MREG: variants seen among roughly 807,000 people sequenced by gnomAD.
MREG encodes dilute suppressor protein homolog.
A neutral mutation model predicts 28.5 loss-of-function variants in MREG; 31 were observed. The ratio of observed to expected loss-of-function variants is 1.09; its 90% confidence interval spans 0.82 to 1.47. The LOEUF is 1.47. MREG is among the 40% of genes most tolerant of loss of function. The pLI, the probability that MREG is intolerant of heterozygous loss-of-function variation, is 0.00. For synonymous variants in MREG, 106 were observed against 95.2 expected (o/e 1.11, Z -0.66); for missense variants, 256 against 257.4 (o/e 0.99, Z 0.04).
At chr2:215,963,923 A>C (rs1361697766) in intron 2 of MREG, among the ~76,000 whole-genome samples, 1 of 152,218 alleles carries the variant, frequency 6.6e-6, no homozygotes, top group African/African-American at 2.4e-5. Flanking sequence ...GACTAAATAC[A>C]AATTTGAAAC....
chr2:215,999,246 G>C (rs1693949806), intron 1 of MREG, among the ~76,000 whole-genome samples: 1 of 152,240 alleles, frequency 6.6e-6, no homozygotes, highest in South Asian at 2.1e-4. Flanking sequence ...GCTTCATTCT[G>C]TGAACTGCAA....
chr2:216,024,980 GA>G (rs1205176633), intron 1 of MREG, among the ~76,000 whole-genome samples: 1 of 149,642 alleles, frequency 6.7e-6, no homozygotes, highest in East Asian at 1.9e-4. Context: ...AAGGAAAAAG[GA>G]AAAGGAAAAG....
intron 2 of MREG, among the ~76,000 whole-genome samples, chr2:215,984,982 A>G (rs977334626): frequency 6.6e-6 from 1 of 152,174 alleles, no homozygotes; most frequent in African/African-American, 2.4e-5. Context: ...CAATCCTGAT[A>G]CTCATTATAT....
intron 2 of MREG, among the ~76,000 whole-genome samples, chr2:215,984,405 T>C (rs377233049): frequency 6.7e-6 from 1 of 149,912 alleles, no homozygotes; most frequent in Non-Finnish European, 1.5e-5. Context: ...TGCAATCCAA[T>C]GCTTTGGGAG....
chr2:216,010,911 A>G (rs911197311), intron 1 of MREG, among the ~76,000 whole-genome samples: 4 of 151,172 alleles, frequency 2.6e-5, no homozygotes, highest in African/African-American at 9.7e-5. Context: ...CCTGGATAAC[A>G]CGGTGAAACC....
At chr2:215,991,925 GC>G (rs376882776) in intron 2 of MREG, among the ~76,000 whole-genome samples, 20 of 152,150 alleles carry the variant, frequency 1.3e-4, no homozygotes, top group African/African-American at 3.6e-4. Context: ...ACCAAAAAAA[GC>G]CCAGGACCAG....
intron 1 of MREG, among the ~76,000 whole-genome samples, chr2:215,996,941 C>T (rs560313359): frequency 2.0e-5 from 3 of 152,236 alleles, no homozygotes; most frequent in South Asian, 2.1e-4. Context: ...CCACCACGCC[C>T]GGATAATTCT....
At chr2:216,032,380 G>T (rs897846479) in intron 1 of MREG, among the ~76,000 whole-genome samples, 4 of 152,300 alleles carry the variant, frequency 2.6e-5, no homozygotes, top group Middle Eastern at 6.8e-3. Flanking sequence ...CCCACTCAAA[G>T]CATATGAACT....
chr2:215,989,781 G>A (rs1418358884), intron 2 of MREG, among the ~76,000 whole-genome samples: 1 of 151,742 alleles, frequency 6.6e-6, no homozygotes, highest in Non-Finnish European at 1.5e-5. Context: ...CGATCAAGCA[G>A]AAGAAAGGAT....
chr2:216,012,226 C>G (rs7603645), intron 1 of MREG, among the ~76,000 whole-genome samples: 97,846 of 151,890 alleles, frequency 0.64, 31,747 homozygotes, highest in East Asian at 0.69. Context: ...GGGTTGGAGC[C>G]AATGAGTGGA....
intron 2 of MREG, among the ~76,000 whole-genome samples, chr2:215,974,655 G>A (rs776343304): frequency 1.3e-5 from 2 of 152,140 alleles, no homozygotes; most frequent in Non-Finnish European, 2.9e-5. Flanking sequence ...TTTACAGGCA[G>A]GGGAGGGGAA....
chr2:215,985,196 TC>T (rs2106005006), intron 2 of MREG, among the ~76,000 whole-genome samples: 1 of 152,346 alleles, frequency 6.6e-6, no homozygotes, highest in South Asian at 2.1e-4. Flanking sequence ...GAGAATAAGT[TC>T]ACTCAGTATT....
intron 3 of MREG, 47 bp from the exon 4 acceptor site, chr2:215,945,781 C>A (rs749997915): frequency 6.5e-6 from 10 of 1,550,136 alleles, no homozygotes; most frequent in Non-Finnish European, 2.6e-6. Flanking sequence ...CCCAAGTTAA[C>A]AAGTGTTCCG....
At chr2:215,983,971 T>C (rs916661069) in intron 2 of MREG, among the ~76,000 whole-genome samples, 3 of 152,240 alleles carry the variant, frequency 2.0e-5, no homozygotes, top group Non-Finnish European at 4.4e-5. Context: ...AATGATCTGA[T>C]AGTTAGTGTA....
chr2:215,940,034 G>A (rs183674395), downstream of MREG, among the ~76,000 whole-genome samples: 94 of 152,178 alleles, frequency 6.2e-4, no homozygotes, highest in African/African-American at 2.0e-3. Flanking sequence ...TTAGAACATA[G>A]GTGAGAAACA....
chr2:216,007,175 T>C (rs1258774146), intron 1 of MREG, among the ~76,000 whole-genome samples: 3 of 152,206 alleles, frequency 2.0e-5, no homozygotes, highest in African/African-American at 7.2e-5. Flanking sequence ...CTTCATTATT[T>C]GGAGATTCTG....
downstream of MREG, among the ~76,000 whole-genome samples, chr2:215,941,036 G>T (rs1013417420): frequency 7.9e-5 from 12 of 152,172 alleles, no homozygotes; most frequent in Non-Finnish European, 1.5e-5. Flanking sequence ...TGCAGTTACG[G>T]TTACTACTTG....
intron 2 of MREG, among the ~76,000 whole-genome samples, chr2:215,975,008 T>TTATATATATATATATATATA (rs58937716): frequency 0.16 from 16,297 of 104,810 alleles, 2,133 homozygotes; most frequent in East Asian, 0.25. Context: ...TTTATATGAA[T>TTATATATATATATATATATA]TATATATATA....
At chr2:215,988,162 A>T (rs1448779740) in intron 2 of MREG, among the ~76,000 whole-genome samples, 1 of 152,114 alleles carries the variant, frequency 6.6e-6, no homozygotes, top group Non-Finnish European at 1.5e-5. Context: ...AACGCAGAAG[A>T]CGGGTGATTT....
Sources: allele counts gnomAD v4.1 joint callset (sites outside exome capture counted in the v4.1 genomes callset), GRCh38; gene constraint gnomAD v4.1.1; transcripts MANE v1.5; gene names NCBI Gene and HGNC (gene_info 2026-07-23, HGNC 2026-07-21).